SBF2: variants seen among roughly 807,000 people sequenced by gnomAD.
The protein encoded by SBF2 is SET binding factor 2.
In SBF2, 112 loss-of-function variants were observed where a neutral mutation model predicts 225.2. The ratio of observed to expected loss-of-function variants is 0.50; its 90% CI spans 0.43 to 0.58. SBF2 has a LOEUF of 0.58. Among genes scored for constraint, SBF2 ranks in the 20% least tolerant of loss-of-function variants. SBF2 has a pLI of 0.00. For missense variants in SBF2, 1,996 were observed against 2,206.2 expected, an observed-to-expected ratio of 0.90 and a Z score of 1.91; for synonymous variants, 763 against 773.3, an observed-to-expected ratio of 0.99 and a Z score of 0.22.
intron 30 of SBF2, 131 bp downstream of exon 30, chr11:9,812,401 G>A (rs878861292): frequency 2.1e-6 from 2 of 945,280 alleles, no homozygotes; most frequent in African/African-American, 3.3e-5. Flanking sequence ...TTTACTGATG[G>A]CACACAATGA....
intron 2 of SBF2, among the ~76,000 whole-genome samples, chr11:10,071,962 C>T (rs1950898591): frequency 1.3e-5 from 2 of 152,136 alleles, no homozygotes; most frequent in East Asian, 1.9e-4. Flanking sequence ...CAAGTTTTTG[C>T]CGCCCAACCC....
intron 32 of SBF2, among the ~76,000 whole-genome samples, chr11:9,803,885 AGAG>A (rs1461865392): frequency 6.6e-6 from 1 of 152,072 alleles, no homozygotes; most frequent in Admixed American, 6.5e-5. Flanking sequence ...AAATGATAGA[AGAG>A]GAGAAGCTAT....
In SBF2 at chr11:9,921,163, C is replaced by T. The variant is rs561327172; in HGVS notation, c.1861-25152G>A. 4.7e-5 allele frequency among the ~76,000 whole-genome samples: 7 copies of T among 148,882 alleles called. No homozygotes were observed. The East Asian group carries it at 1.2e-3, about 25-fold the overall frequency. On this transcript the variant is annotated intron_variant, in intron 16 of 39. Transcript: ENST00000256190. Reference sequence around the variant, plus strand: ...TCAGCTCACTGCAACTTCCACCTCTCGGGTTCAAGCGATTCTCCTGCCTCA... The same window carrying T: ...TCAGCTCACTGCAACTTCCACCTCTTGGGTTCAAGCGATTCTCCTGCCTCA...
intron 13 of SBF2, among the ~76,000 whole-genome samples, chr11:9,969,426 A>C (rs924986420): frequency 6.6e-6 from 1 of 152,022 alleles, no homozygotes; most frequent in African/African-American, 2.4e-5. Flanking sequence ...TTGTCATCTC[A>C]CTCACAATAA....
chr11:9,864,152 C>A (rs149488694), intron 17 of SBF2, among the ~76,000 whole-genome samples: 69 of 152,226 alleles, frequency 4.5e-4, no homozygotes, highest in African/African-American at 1.6e-3. Flanking sequence ...GTGAGTAATC[C>A]ATTTAGTTAA....
intron 17 of SBF2, among the ~76,000 whole-genome samples, chr11:9,893,134 C>T (rs1860972711): frequency 6.6e-6 from 1 of 152,172 alleles, no homozygotes; most frequent in South Asian, 2.1e-4. Context: ...AGTCCATTCT[C>T]TGAAGCAATG....
At chr11:10,052,448 T>C (rs1256157224) in intron 2 of SBF2, among the ~76,000 whole-genome samples, 1 of 152,214 alleles carries the variant, frequency 6.6e-6, no homozygotes, top group Non-Finnish European at 1.5e-5. Context: ...GTGGGAATCC[T>C]TTTCAGGATG....
At chr11:9,799,703 C>G (rs1331547879) in intron 32 of SBF2, among the ~76,000 whole-genome samples, 1 of 152,122 alleles carries the variant, frequency 6.6e-6, no homozygotes, top group Non-Finnish European at 1.5e-5. Flanking sequence ...GATGAGATGG[C>G]TGAACTCTTA....
At chr11:9,953,645 T>C (rs1273651933) in intron 16 of SBF2, among the ~76,000 whole-genome samples, 1 of 152,154 alleles carries the variant, frequency 6.6e-6, no homozygotes, top group Non-Finnish European at 1.5e-5. Context: ...TGGCCAAGAC[T>C]TATAGAGGCC....
At chr11:9,976,971 C>T (rs1049006697) in intron 13 of SBF2, among the ~76,000 whole-genome samples, 4 of 151,886 alleles carry the variant, frequency 2.6e-5, no homozygotes, top group South Asian at 2.1e-4. Context: ...GGGGTTTCAC[C>T]GTGGTCTCGA....
rs11042665 is a variant in SBF2 at position 10,202,713 on chromosome 11, G to A, written c.56-8726C>T. Among the ~76,000 whole-genome samples, 105 of 152,266 alleles carry A rather than the reference G, an allele frequency of 6.9e-4. 3 individuals are homozygous for A. In the East Asian group the frequency reaches 0.019, roughly 27 times the overall value. ...TGAGGCAGGAGAATGGCGTGAACCC[G>A]GGAGGCGGAGCTTGCAGTGAGCTGA... On this transcript the variant is annotated intron_variant, in intron 1 of 39. Transcript: ENST00000256190.
At chr11:9,783,188 G>A (rs1852145951) in intron 38 of SBF2, 2 of 152,158 alleles carry the variant, frequency 1.3e-5, no homozygotes, top group Non-Finnish European at 2.9e-5. Flanking sequence ...AAGCTTAATG[G>A]AACTTTTTTA....
At chr11:9,974,960 CAAAAAAAAAAA>C (rs1166081188) in intron 13 of SBF2, among the ~76,000 whole-genome samples, 1,005 of 23,260 alleles carry the variant, frequency 0.043, 40 homozygotes, top group African/African-American at 0.11. Flanking sequence ...AACTTTGACT[CAAAAAAAAAAA>C]AAAAAAAAAA....
intron 16 of SBF2, among the ~76,000 whole-genome samples, chr11:9,927,974 G>A (rs1864181888): frequency 6.6e-6 from 1 of 150,738 alleles, no homozygotes; most frequent in South Asian, 2.1e-4. Context: ...AGAAACAGCT[G>A]AGATCTAAAT....
At chr11:10,246,979 T>C (rs1959864738) in intron 1 of SBF2, among the ~76,000 whole-genome samples, 3 of 152,086 alleles carry the variant, frequency 2.0e-5, no homozygotes, top group Admixed American at 1.3e-4. Flanking sequence ...CTCAGTTACT[T>C]GGGAGGCTGA....
intron 1 of SBF2, among the ~76,000 whole-genome samples, chr11:10,302,309 C>G (rs1352499211): frequency 6.6e-6 from 1 of 152,226 alleles, no homozygotes. Flanking sequence ...CTTAAACCCA[C>G]GAAGCTTTGG....
intron 3 of SBF2, among the ~76,000 whole-genome samples, chr11:10,033,247 G>C (rs1419682209): frequency 2.0e-5 from 3 of 152,086 alleles, no homozygotes; most frequent in African/African-American, 7.2e-5. Flanking sequence ...AAGAGATAAA[G>C]CTATCCACAT....
chr11:10,299,894 A>G (rs1964579004), intron 1 of SBF2, among the ~76,000 whole-genome samples: 1 of 152,232 alleles, frequency 6.6e-6, no homozygotes, highest in African/African-American at 2.4e-5. Context: ...AAACCTGTCA[A>G]TAGTTTTCCA....
At chr11:9,914,940 G>A (rs1484473031) in intron 16 of SBF2, among the ~76,000 whole-genome samples, 2 of 150,882 alleles carry the variant, frequency 1.3e-5, no homozygotes, top group Admixed American at 1.3e-4. Context: ...GGGGCAGGTG[G>A]TATACAGAAA....
Sources: gnomAD v4.1 joint callset for allele counts (sites outside exome capture counted in the v4.1 genomes callset) on GRCh38, gnomAD v4.1.1 for gene constraint, MANE v1.5 for transcripts, NCBI Gene and HGNC (gene_info 2026-07-23, HGNC 2026-07-21) for gene names.